ANKRD44: variants seen among roughly 807,000 people sequenced by gnomAD.
ANKRD44 encodes the protein serine/threonine-protein phosphatase 6 regulatory ankyrin repeat subunit B.
A neutral mutation model predicts 116.0 loss-of-function variants in ANKRD44; 35 were observed. The observed-to-expected ratio is 0.30, with a 90% CI of 0.23 to 0.40. ANKRD44 has a LOEUF of 0.40. ANKRD44 is among the 10% of genes least tolerant of loss of function. The pLI is 1.00. For missense variants in ANKRD44, 1,014 were observed against 1,242.6 expected (o/e 0.82, Z 2.77); for synonymous variants, 435 against 461.8 (o/e 0.94, Z 0.74).
chr2:197,105,557 G>A (rs552573668), intron 9 of ANKRD44, among the ~76,000 whole-genome samples: 82 of 152,342 alleles, frequency 5.4e-4, no homozygotes, highest in South Asian at 2.3e-3. Flanking sequence ...GGATAGGGCT[G>A]AGGAGACACA....
At chr2:197,074,493 A>G (rs2125109158) in intron 16 of ANKRD44, among the ~76,000 whole-genome samples, 1 of 152,154 alleles carries the variant, frequency 6.6e-6, no homozygotes, top group South Asian at 2.1e-4. Context: ...TTTCTAAGAG[A>G]TGGGGTCTTG....
At chr2:197,074,521 T>C (rs2077625323) in intron 16 of ANKRD44, among the ~76,000 whole-genome samples, 1 of 152,170 alleles carries the variant, frequency 6.6e-6, no homozygotes, top group Non-Finnish European at 1.5e-5. Context: ...ACCCAGGCTG[T>C]ACTGCAGTGG....
downstream of ANKRD44, among the ~76,000 whole-genome samples, chr2:196,982,108 T>TTATATA (rs58816698): frequency 1.0e-4 from 10 of 96,550 alleles, no homozygotes; most frequent in African/African-American, 1.5e-4. Flanking sequence ...CTAAAAAAAA[T>TTATATA]TATATATATA....
chr2:197,090,055 A>G, intron 10 of ANKRD44, 23 bp from the exon 11 acceptor site: 5 of 1,575,052 alleles, frequency 3.2e-6, no homozygotes, highest in Non-Finnish European at 4.4e-6. Context: ...AAAACAGAGC[A>G]ACTCACGGCA....
intron 1 of ANKRD44, among the ~76,000 whole-genome samples, chr2:197,287,687 A>G (rs1300189526): frequency 6.6e-6 from 1 of 151,834 alleles, no homozygotes; most frequent in African/African-American, 2.4e-5. Context: ...TATTTAGGAG[A>G]TCTGGGGACT....
intron 17 of ANKRD44, 42 bp from the exon 18 acceptor site, chr2:197,013,754 C>A: frequency 6.2e-7 from 1 of 1,605,624 alleles, no homozygotes; most frequent in Non-Finnish European, 8.5e-7. Flanking sequence ...TGCTCGCTCA[C>A]CTCAAATCCC....
intron 8 of ANKRD44, among the ~76,000 whole-genome samples, chr2:197,120,537 G>A (rs2078827932): frequency 6.6e-6 from 1 of 152,126 alleles, no homozygotes; most frequent in African/African-American, 2.4e-5. Flanking sequence ...TGTAATCCCA[G>A]CTACTGGGGA....
intron 1 of ANKRD44, among the ~76,000 whole-genome samples, chr2:197,280,962 A>T (rs191375868): frequency 6.6e-6 from 1 of 152,220 alleles, no homozygotes; most frequent in East Asian, 1.9e-4. Context: ...AATAAAAATA[A>T]TTTTTAAAAT....
At chr2:197,145,280 G>A (rs1032268048) in intron 3 of ANKRD44, among the ~76,000 whole-genome samples, 1 of 146,128 alleles carries the variant, frequency 6.8e-6, no homozygotes, top group Admixed American at 7.1e-5. Flanking sequence ...TACAGAGCAA[G>A]ACTCCGTCTC....
chr2:197,265,234 T>G (rs982473305), intron 1 of ANKRD44, among the ~76,000 whole-genome samples: 44 of 145,970 alleles, frequency 3.0e-4, no homozygotes, highest in African/African-American at 1.1e-3. Flanking sequence ...CTTTTTTTCT[T>G]TTTTTTTTTT....
At position 197,125,432 on chromosome 2, in the gene ANKRD44, T is replaced by C. The variant is rs1281788792; in HGVS notation, c.499A>G (p.Asn167Asp). Residue 167 changes from asparagine (N) to aspartate (D), a missense_variant, in exon 6 of 28, where the codon AAT becomes GAT. By Grantham distance (23) the Asn-to-Asp change is conservative. Coordinates refer to ENST00000282272, the MANE Select transcript of ANKRD44 (RefSeq NM_001195144.2). ...CGCCGGTCCTTCTTGTCAAATGCAT[T>C]GATATTTGCCCCTTTGGCCAAGAGT... ...NLLLAKGANI[N>D]AFDKKDRRAL... is the part of the protein sequence containing the mutation. The C allele has an allele frequency of 6.2e-7, 1 of 1,614,092 alleles. No homozygotes were observed. The highest frequency in any genetic ancestry group is 1.1e-5 in the South Asian group (1 of 91,082).
intron 16 of ANKRD44, among the ~76,000 whole-genome samples, chr2:197,027,680 AT>A (rs34502554): frequency 0.66 from 83,521 of 125,854 alleles, 28,327 homozygotes; most frequent in South Asian, 0.78. Context: ...ATGCCTGAGA[AT>A]TTTTTTTTTT....
At chr2:197,211,308 G>C (rs1432422535) in intron 1 of ANKRD44, among the ~76,000 whole-genome samples, 1 of 152,180 alleles carries the variant, frequency 6.6e-6, no homozygotes, top group Non-Finnish European at 1.5e-5. Context: ...GGGAAATGGG[G>C]AGCAGGAAGA....
chr2:197,019,239 A>G (rs1000638752), intron 17 of ANKRD44, among the ~76,000 whole-genome samples: 1 of 152,208 alleles, frequency 6.6e-6, no homozygotes, highest in East Asian at 1.9e-4. Flanking sequence ...TTGCTCTTCT[A>G]CTACACACAA....
intron 1 of ANKRD44, among the ~76,000 whole-genome samples, chr2:197,249,688 T>C (rs1176227456): frequency 6.6e-6 from 1 of 152,224 alleles, no homozygotes. Flanking sequence ...AGGTTTACAT[T>C]CACTCTCACC....
At chr2:197,247,910 C>T (rs909983420) in intron 1 of ANKRD44, among the ~76,000 whole-genome samples, 2 of 152,160 alleles carry the variant, frequency 1.3e-5, no homozygotes, top group Non-Finnish European at 2.9e-5. Flanking sequence ...CGGGAAATGG[C>T]TGGGGACAGG....
At chr2:197,268,983 G>C (rs1470242180) in intron 1 of ANKRD44, among the ~76,000 whole-genome samples, 2 of 152,064 alleles carry the variant, frequency 1.3e-5, no homozygotes, top group African/African-American at 4.8e-5. Flanking sequence ...AGCTGGTTTG[G>C]GGAAAAATAT....
At chr2:197,290,188 C>T (rs766531637) in intron 1 of ANKRD44, among the ~76,000 whole-genome samples, 2 of 151,880 alleles carry the variant, frequency 1.3e-5, no homozygotes, top group African/African-American at 2.4e-5. Context: ...GCCTATAATC[C>T]CAGGTTGTAC....
At chr2:197,197,618 C>T (rs1287806860) in intron 1 of ANKRD44, among the ~76,000 whole-genome samples, 1 of 151,882 alleles carries the variant, frequency 6.6e-6, no homozygotes, top group African/African-American at 2.4e-5. Context: ...CCAGACCAGC[C>T]TAGACACATG....
Sources: allele counts gnomAD v4.1 joint callset (sites outside exome capture counted in the v4.1 genomes callset), GRCh38; gene constraint gnomAD v4.1.1; transcripts MANE v1.5; gene names NCBI Gene and HGNC (gene_info 2026-07-23, HGNC 2026-07-21).